The following CNTNAP2 variants were observed in gnomAD, a reference collection of about 807,000 sequenced individuals.
CNTNAP2 encodes contactin associated protein 2.
A neutral mutation model predicts 155.2 loss-of-function variants in CNTNAP2; 98 were observed. That is an observed-to-expected ratio of 0.63 (90% confidence interval 0.54 to 0.75). The LOEUF (loss-of-function observed/expected upper bound fraction) is 0.75. Among genes scored for constraint, CNTNAP2 ranks in the 30% least tolerant of loss-of-function variants. The pLI, the probability that CNTNAP2 is intolerant of heterozygous loss-of-function variation, is 0.00. For missense variants in CNTNAP2, 1,727 were observed against 1,688.1 expected, an observed-to-expected ratio of 1.02 and a Z score of -0.40; for synonymous variants, 651 against 631.2, an observed-to-expected ratio of 1.03 and a Z score of -0.47.
intron 1 of CNTNAP2, among the ~76,000 whole-genome samples, chr7:146,159,786 T>C (rs1247462849): frequency 6.6e-6 from 1 of 152,120 alleles, no homozygotes; most frequent in Admixed American, 6.5e-5. Flanking sequence ...CACACAATAA[T>C]TATGGGAGAT....
chr7:147,063,508 T>A (rs1360590218), intron 4 of CNTNAP2, among the ~76,000 whole-genome samples: 1 of 152,132 alleles, frequency 6.6e-6, no homozygotes, highest in Non-Finnish European at 1.5e-5. Flanking sequence ...AATCTCAGTT[T>A]TTTTCTGGAA....
chr7:146,645,349 G>C (rs1799792881), intron 1 of CNTNAP2, among the ~76,000 whole-genome samples: 1 of 152,122 alleles, frequency 6.6e-6, no homozygotes, highest in Non-Finnish European at 1.5e-5. Context: ...GGGGCTGGAG[G>C]GAACTTAAAT....
chr7:147,002,126 T>G (rs1181397323), intron 3 of CNTNAP2, among the ~76,000 whole-genome samples: 1 of 152,042 alleles, frequency 6.6e-6, no homozygotes, highest in East Asian at 1.9e-4. Context: ...ATGAAAATTA[T>G]ACAAAGAGAA....
chr7:146,462,680 T>A (rs1359716276), intron 1 of CNTNAP2, among the ~76,000 whole-genome samples: 1 of 152,138 alleles, frequency 6.6e-6, no homozygotes, highest in Non-Finnish European at 1.5e-5. Flanking sequence ...AGAAAGGAGA[T>A]TTTTTAGTCA....
intron 8 of CNTNAP2, among the ~76,000 whole-genome samples, chr7:147,140,312 T>A (rs1801566986): frequency 6.6e-6 from 1 of 152,020 alleles, no homozygotes; most frequent in African/African-American, 2.4e-5. Context: ...GAGATCTTGC[T>A]ACCCCTAGAC....
chr7:146,536,594 C>G lies in CNTNAP2; in HGVS notation c.98-237677C>G, dbSNP rs532195335. ...TCACTGCTGCCTCCCCCATGTTCCCCCCCCACCACCATTTTTAAAGACTCA... is the reference window on the plus strand; with the variant it reads ...TCACTGCTGCCTCCCCCATGTTCCCGCCCCACCACCATTTTTAAAGACTCA... On this transcript the variant is annotated intron_variant, in intron 1 of 23. Transcript: ENST00000361727. Among the ~76,000 whole-genome samples, 13 of 151,012 alleles carry G rather than the reference C, an allele frequency of 8.6e-5. No individual in the cohort carries two copies. The East Asian group carries it at 2.2e-3, about 25-fold the overall frequency.
intron 10 of CNTNAP2, among the ~76,000 whole-genome samples, chr7:147,476,132 G>T (rs1798315693): frequency 1.3e-5 from 2 of 151,852 alleles, no homozygotes; most frequent in Non-Finnish European, 2.9e-5. Flanking sequence ...TTGAGACGGA[G>T]TCTCGCTCTG....
chr7:147,467,149 G>A (rs1272323113), intron 10 of CNTNAP2, among the ~76,000 whole-genome samples: 1 of 152,120 alleles, frequency 6.6e-6, no homozygotes, highest in Admixed American at 6.5e-5. Flanking sequence ...ATGCAATGAT[G>A]CTTATCTAAG....
chr7:148,206,103 T>C (rs1330174917), intron 18 of CNTNAP2, among the ~76,000 whole-genome samples: 1 of 151,374 alleles, frequency 6.6e-6, no homozygotes, highest in Non-Finnish European at 1.5e-5. Flanking sequence ...ATATTCATGT[T>C]CATATATATA....
intron 1 of CNTNAP2, among the ~76,000 whole-genome samples, chr7:146,283,530 G>A (rs1340888113): frequency 6.6e-6 from 1 of 152,096 alleles, no homozygotes; most frequent in African/African-American, 2.4e-5. Flanking sequence ...ACTGTGCCTG[G>A]CTGGTTCCAG....
chr7:146,362,628 G>A (rs1584889557), intron 1 of CNTNAP2, among the ~76,000 whole-genome samples: 1 of 152,120 alleles, frequency 6.6e-6, no homozygotes, highest in Non-Finnish European at 1.5e-5. Flanking sequence ...TTGGTGTCAG[G>A]TCATGTAAGG....
intron 15 of CNTNAP2, among the ~76,000 whole-genome samples, chr7:147,982,251 C>T (rs574696790): frequency 1.3e-4 from 20 of 152,118 alleles, no homozygotes; most frequent in African/African-American, 3.1e-4. Context: ...TCTAGGGATA[C>T]GGGGACTGTA....
intron 1 of CNTNAP2, among the ~76,000 whole-genome samples, chr7:146,729,413 C>T (rs993924347): frequency 1.3e-5 from 2 of 151,766 alleles, no homozygotes; most frequent in Non-Finnish European, 2.9e-5. Flanking sequence ...ACACAGGTTA[C>T]CTAGGAGGTT....
intron 1 of CNTNAP2, among the ~76,000 whole-genome samples, chr7:146,514,076 G>T (rs1028300910): frequency 6.6e-6 from 1 of 151,776 alleles, no homozygotes; most frequent in Non-Finnish European, 1.5e-5. Context: ...GAATCACTGA[G>T]ATTTCACTGA....
chr7:146,309,394 A>G (rs1271060248), intron 1 of CNTNAP2, among the ~76,000 whole-genome samples: 1 of 152,164 alleles, frequency 6.6e-6, no homozygotes, highest in Non-Finnish European at 1.5e-5. Context: ...GCATTTTCTC[A>G]TCTGCAGTAA....
intron 21 of CNTNAP2, among the ~76,000 whole-genome samples, chr7:148,353,541 C>T (rs1246666915): frequency 6.6e-6 from 1 of 152,212 alleles, no homozygotes; most frequent in Non-Finnish European, 1.5e-5. Flanking sequence ...TCTTGGTCTA[C>T]ACATTTTCTT....
intron 8 of CNTNAP2, among the ~76,000 whole-genome samples, chr7:147,165,219 T>C (rs1473107919): frequency 6.6e-6 from 1 of 152,152 alleles, no homozygotes; most frequent in Non-Finnish European, 1.5e-5. Flanking sequence ...TATTGCATTG[T>C]GGTTTTGATT....
chr7:147,503,806 T>G (rs539298031), intron 11 of CNTNAP2, among the ~76,000 whole-genome samples: 1 of 152,268 alleles, frequency 6.6e-6, no homozygotes, highest in South Asian at 2.1e-4. Context: ...AAATAAATTG[T>G]GTAGGCCTAA....
At chr7:148,068,120 C>A (rs1032953197) in intron 15 of CNTNAP2, among the ~76,000 whole-genome samples, 1 of 152,164 alleles carries the variant, frequency 6.6e-6, no homozygotes, top group Non-Finnish European at 1.5e-5. Context: ...CTCTCCCCAC[C>A]TGCTGTAGCT....
Sources: gnomAD v4.1 joint callset for allele counts (sites outside exome capture counted in the v4.1 genomes callset) on GRCh38, gnomAD v4.1.1 for gene constraint, MANE v1.5 for transcripts, NCBI Gene and HGNC (gene_info 2026-07-23, HGNC 2026-07-21) for gene names.